Variants in PRPF18 observed in about 807,000 individuals in gnomAD.
The protein encoded by PRPF18 is pre-mRNA-splicing factor 18.
PRPF18 carries 38 observed loss-of-function variants against 46.5 expected under a neutral mutation model. The observed-to-expected ratio is 0.82, with a 90% CI of 0.63 to 1.07. The LOEUF is 1.07. Among genes scored for constraint, PRPF18 ranks in the 50% least tolerant of loss-of-function variants. The probability of loss-of-function intolerance (pLI) is 0.00; values close to 1 mark genes in which losing one functional copy is unlikely to be tolerated. For synonymous variants in PRPF18, 152 were observed against 146.7 expected (o/e 1.04, Z -0.26); for missense variants, 263 against 410.0 (o/e 0.64, Z 3.10).
At chr10:13,655,516 T>C in the PRPF18 span, 1 of 150,630 alleles carries the variant, frequency 6.6e-6, no homozygotes, top group East Asian at 1.9e-4. Flanking sequence ...TACCTGATCT[T>C]TGGAGCTTGT....
the PRPF18 span, chr10:13,655,564 T>G: frequency 6.6e-6 from 1 of 152,110 alleles, no homozygotes; most frequent in Admixed American, 6.5e-5. Flanking sequence ...TCCACGGGGA[T>G]GTGGGGATAG....
chr10:13,616,582 C>G, intron 9 of PRPF18, 29 bp downstream of exon 9: 2 of 1,609,482 alleles, frequency 1.2e-6, no homozygotes, highest in Non-Finnish European at 1.7e-6. Flanking sequence ...CGGGAATTGC[C>G]CTGGAAGTGA....
intron 2 of PRPF18, among the ~76,000 whole-genome samples, 174 bp from the exon 3 acceptor site, chr10:13,600,070 C>T (rs943776711): frequency 2.6e-5 from 4 of 152,186 alleles, no homozygotes; most frequent in African/African-American, 7.2e-5. Context: ...GACGTGAATA[C>T]GTTTGACTCT....
intron 2 of PRPF18, chr10:13,597,767 G>T: frequency 3.1e-6 from 3 of 975,604 alleles, no homozygotes; most frequent in Non-Finnish European, 4.5e-6. Context: ...TTTTGTGGAC[G>T]GCATGAAGTG....
chr10:13,621,717 G>C (rs1213059437), intron 9 of PRPF18, among the ~76,000 whole-genome samples: 1 of 152,164 alleles, frequency 6.6e-6, no homozygotes, highest in African/African-American at 2.4e-5. Flanking sequence ...GAGGTTAGAA[G>C]ATTAAGGAAT....
chr10:13,601,513 G>C (rs956778581), intron 3 of PRPF18, among the ~76,000 whole-genome samples: 2 of 152,104 alleles, frequency 1.3e-5, no homozygotes, highest in Non-Finnish European at 2.9e-5. Context: ...GCCCCGATCA[G>C]TCCTCCTACC....
the PRPF18 span, chr10:13,644,841 T>G: frequency 6.6e-6 from 1 of 152,084 alleles, no homozygotes; most frequent in African/African-American, 2.4e-5. Flanking sequence ...ACCATGAAAG[T>G]AAAAGCAACA....
At chr10:13,599,323 C>T (rs1240001649) in intron 2 of PRPF18, among the ~76,000 whole-genome samples, 1 of 152,134 alleles carries the variant, frequency 6.6e-6, no homozygotes, top group African/African-American at 2.4e-5. Flanking sequence ...GAACTGTAAG[C>T]TATAGAATCA....
intron 1 of PRPF18, among the ~76,000 whole-genome samples, chr10:13,590,118 C>T (rs1398420853): frequency 2.9e-5 from 2 of 70,030 alleles, no homozygotes; most frequent in African/African-American, 8.5e-5. Context: ...CAAAAATGAT[C>T]ATTAAAAAAA....
the PRPF18 span, chr10:13,651,267 C>T: frequency 1.3e-5 from 2 of 152,340 alleles, no homozygotes; most frequent in African/African-American, 2.4e-5. Context: ...GCTTTTGGTA[C>T]TCAGCACAGC....
chr10:13,616,578 T>C (rs777445818), intron 9 of PRPF18, 25 bp downstream of exon 9: 1 of 1,612,032 alleles, frequency 6.2e-7, no homozygotes. Flanking sequence ...GAGCCGGGAA[T>C]TGCCCTGGAA....
chr10:13,587,173 G>C (rs780977840), intron 1 of PRPF18, 21 bp downstream of exon 1: 3 of 1,605,758 alleles, frequency 1.9e-6, no homozygotes, highest in East Asian at 4.5e-5. Flanking sequence ...TGCGGTCGTG[G>C]GGGTCGGGAT....
the PRPF18 span, chr10:13,654,315 C>G: frequency 6.0e-5 from 50 of 830,298 alleles, no homozygotes; most frequent in Non-Finnish European, 1.0e-4. Context: ...GTGATGAACC[C>G]TCATCATCCA....
chr10:13,634,153 C>T (rs1430998284), downstream of PRPF18, among the ~76,000 whole-genome samples: 2 of 152,158 alleles, frequency 1.3e-5, no homozygotes, highest in African/African-American at 2.4e-5. Context: ...TGTATTTTTA[C>T]GTTGATCAGA....
chr10:13,587,765 A>G (rs906830211), intron 1 of PRPF18, among the ~76,000 whole-genome samples: 2 of 151,990 alleles, frequency 1.3e-5, no homozygotes, highest in African/African-American at 4.8e-5. Context: ...GCCCACTCAC[A>G]CCCTGTGGAG....
chr10:13,612,001 T>G (rs1456757718), intron 6 of PRPF18, among the ~76,000 whole-genome samples: 3 of 151,258 alleles, frequency 2.0e-5, no homozygotes, highest in Non-Finnish European at 4.4e-5. Context: ...TGCCTCAGCC[T>G]CCTGAGTAGC....
At chr10:13,617,683 C>T (rs550063032) in intron 9 of PRPF18, among the ~76,000 whole-genome samples, 2 of 152,120 alleles carry the variant, frequency 1.3e-5, no homozygotes, top group Non-Finnish European at 2.9e-5. Context: ...GTCTGAAAGA[C>T]ATTTCTTATA....
chr10:13,654,017 G>T, the PRPF18 span: 3 of 341,002 alleles, frequency 8.8e-6, no homozygotes, highest in Non-Finnish European at 1.6e-5. Flanking sequence ...TGTTTCACCT[G>T]CCCCAGTGTA....
At chr10:13,608,444 C>A (rs919448386) in intron 4 of PRPF18, among the ~76,000 whole-genome samples, 2 of 152,242 alleles carry the variant, frequency 1.3e-5, no homozygotes, top group African/African-American at 4.8e-5. Context: ...CACTTTCCTG[C>A]TTTACTTCCC....
Sources: allele counts gnomAD v4.1 joint callset (sites outside exome capture counted in the v4.1 genomes callset), GRCh38; gene constraint gnomAD v4.1.1; transcripts MANE v1.5; gene names NCBI Gene and HGNC (gene_info 2026-07-23, HGNC 2026-07-21).